Variants in RGS6 observed in about 807,000 individuals in gnomAD.
RGS6 encodes the protein regulator of G-protein signaling 6.
RGS6 carries 30 observed loss-of-function variants against 78.5 expected under a neutral mutation model. That is an observed-to-expected ratio of 0.38 (90% confidence interval 0.29 to 0.52). The LOEUF is 0.52. Ranked by LOEUF, RGS6 falls within the 20% of genes least tolerant of loss-of-function variation. The probability of loss-of-function intolerance (pLI) is 0.85; values close to 1 mark genes in which losing one functional copy is unlikely to be tolerated. For missense variants in RGS6, 495 were observed against 609.7 expected (o/e 0.81, Z 1.98); for synonymous variants, 206 against 206.0 (o/e 1.00, Z 0.00).
intron 15 of RGS6, among the ~76,000 whole-genome samples, chr14:72,534,323 T>G (rs1156908590): frequency 2.0e-5 from 3 of 152,264 alleles, no homozygotes; most frequent in Non-Finnish European, 4.4e-5. Context: ...CTACATATAG[T>G]GTAAACATAA....
At chr14:72,460,179 A>G (rs894535243) in intron 6 of RGS6, among the ~76,000 whole-genome samples, 2 of 152,224 alleles carry the variant, frequency 1.3e-5, no homozygotes, top group East Asian at 1.9e-4. Flanking sequence ...GTCACTCTGG[A>G]CTAGGAAAAT....
rs2095856469 is a variant in RGS6, at chr14:72,115,094, G to T, written c.84+150219G>T. On this transcript the variant is annotated intron_variant, in intron 2 of 17. Coordinates refer to ENST00000553525, the MANE Select transcript of RGS6 (RefSeq NM_001204424.2). ...CCTTCTAATAAGATTCCATCCACTT[G>T]GATCTCAGTTATGTGGCAATCTTGA... is the stretch of plus-strand genomic sequence containing the variant. Among the ~76,000 whole-genome samples, 2 of 152,098 alleles carry T rather than the reference G, an allele frequency of 1.3e-5. 1 individual carries two copies. Among genetic ancestry groups the T allele is most frequent in the Middle Eastern group, 6.3e-3 (2 of 316 alleles).
chr14:71,947,083 G>C (rs925173979), intron 1 of RGS6, among the ~76,000 whole-genome samples: 7 of 152,156 alleles, frequency 4.6e-5, no homozygotes, highest in African/African-American at 1.7e-4. Context: ...AATGCTTACA[G>C]GTAGTTTTGC....
At chr14:72,111,066 G>C (rs1312338032) in intron 2 of RGS6, among the ~76,000 whole-genome samples, 1 of 152,174 alleles carries the variant, frequency 6.6e-6, no homozygotes, top group East Asian at 1.9e-4. Context: ...CTGTCTGCAA[G>C]ACTCTCCCGT....
At chr14:72,170,469 C>A (rs773035186) in intron 2 of RGS6, among the ~76,000 whole-genome samples, 7 of 152,166 alleles carry the variant, frequency 4.6e-5, no homozygotes, top group Non-Finnish European at 8.8e-5. Flanking sequence ...GAGGTGAAAA[C>A]TGCCATTACT....
intron 2 of RGS6, among the ~76,000 whole-genome samples, chr14:72,263,563 A>C (rs2058544238): frequency 6.6e-6 from 1 of 152,152 alleles, no homozygotes; most frequent in Admixed American, 6.5e-5. Flanking sequence ...CCAAAGTACT[A>C]GTATTAGAAA....
the RGS6 span, chr14:71,908,073 C>T: frequency 6.6e-6 from 1 of 152,142 alleles, no homozygotes; most frequent in African/African-American, 2.4e-5. Flanking sequence ...AGGAAATAGC[C>T]GACATTCTAA....
At chr14:72,288,764 C>T (rs555986964) in intron 2 of RGS6, among the ~76,000 whole-genome samples, 87 of 152,280 alleles carry the variant, frequency 5.7e-4, no homozygotes, top group African/African-American at 1.9e-3. Flanking sequence ...GGAAGATTGT[C>T]CTCCAGAGAG....
the RGS6 span, among the ~76,000 whole-genome samples, chr14:72,584,654 C>T: frequency 1.8e-3 from 279 of 152,254 alleles, 1 homozygote; most frequent in Non-Finnish European, 2.8e-3. Flanking sequence ...GAGAGTAAAG[C>T]GCCAGCCTCT....
At chr14:72,099,959 C>T (rs1442581526) in intron 2 of RGS6, among the ~76,000 whole-genome samples, 4 of 152,018 alleles carry the variant, frequency 2.6e-5, no homozygotes, top group Admixed American at 6.6e-5. Flanking sequence ...ATGGGAATGT[C>T]GTAATCAGGT....
At chr14:72,595,825 G>A in the RGS6 span, among the ~76,000 whole-genome samples, 234 of 152,222 alleles carry the variant, frequency 1.5e-3, no homozygotes, top group African/African-American at 5.3e-3. Flanking sequence ...ACCATCATAC[G>A]GTTGCAAACC....
intron 2 of RGS6, among the ~76,000 whole-genome samples, chr14:72,241,147 C>T (rs2052681503): frequency 7.7e-6 from 1 of 129,720 alleles, no homozygotes; most frequent in African/African-American, 2.8e-5. Flanking sequence ...CAGAGCGAGA[C>T]TCTGTCTCAA....
chr14:72,115,433 C>G (rs555479365), intron 2 of RGS6, among the ~76,000 whole-genome samples: 17 of 152,250 alleles, frequency 1.1e-4, no homozygotes, highest in African/African-American at 3.8e-4. Context: ...GACTGAAACC[C>G]ACATTGGTCT....
At chr14:72,162,502 G>A (rs1377946638) in intron 2 of RGS6, among the ~76,000 whole-genome samples, 1 of 152,152 alleles carries the variant, frequency 6.6e-6, no homozygotes, top group Non-Finnish European at 1.5e-5. Context: ...TGGGGCTAAG[G>A]AGGCCAGTCC....
chr14:71,946,060 TCAG>T (rs1347959475), intron 1 of RGS6, among the ~76,000 whole-genome samples: 1 of 152,206 alleles, frequency 6.6e-6, no homozygotes, highest in Non-Finnish European at 1.5e-5. Flanking sequence ...AAAGACTGAT[TCAG>T]CAGCTGGTCA....
chr14:72,218,469 A>G (rs771448434), intron 2 of RGS6, among the ~76,000 whole-genome samples: 6 of 150,218 alleles, frequency 4.0e-5, no homozygotes, highest in East Asian at 1.9e-4. Context: ...TATTAATATT[A>G]AATTAATATG....
At chr14:72,151,737 C>A (rs2096691357) in intron 2 of RGS6, among the ~76,000 whole-genome samples, 2 of 152,018 alleles carry the variant, frequency 1.3e-5, no homozygotes, top group Admixed American at 1.3e-4. Flanking sequence ...TTTTTATTCT[C>A]CTAAAAAGGG....
At chr14:72,167,520 C>A (rs549592457) in intron 2 of RGS6, among the ~76,000 whole-genome samples, 1 of 152,178 alleles carries the variant, frequency 6.6e-6, no homozygotes, top group Non-Finnish European at 1.5e-5. Context: ...ACTCTTTCCT[C>A]CATACCATCT....
intron 15 of RGS6, among the ~76,000 whole-genome samples, chr14:72,532,314 A>G (rs2097192466): frequency 6.6e-6 from 1 of 152,186 alleles, no homozygotes; most frequent in Non-Finnish European, 1.5e-5. Flanking sequence ...GTATAAGACA[A>G]TGAACTTAAT....
Sources: allele counts gnomAD v4.1 joint callset (sites outside exome capture counted in the v4.1 genomes callset), GRCh38; gene constraint gnomAD v4.1.1; transcripts MANE v1.5; gene names NCBI Gene and HGNC (gene_info 2026-07-23, HGNC 2026-07-21).